COL19A1: variants seen among roughly 807,000 people sequenced by gnomAD.
COL19A1 encodes collagen type XIX alpha 1 chain.
A neutral mutation model predicts 190.2 loss-of-function variants in COL19A1; 159 were observed. That is an observed-to-expected ratio of 0.84 (90% CI 0.73 to 0.95). The LOEUF (loss-of-function observed/expected upper bound fraction) is 0.95. Ranked by LOEUF, COL19A1 falls within the 40% of genes least tolerant of loss-of-function variation. The pLI is 0.00. For missense variants in COL19A1, 1,418 were observed against 1,431.9 expected, an observed-to-expected ratio of 0.99 and a Z score of 0.16; for synonymous variants, 509 against 458.9, an observed-to-expected ratio of 1.11 and a Z score of -1.39.
intron 11 of COL19A1, among the ~76,000 whole-genome samples, chr6:69,992,828 T>A (rs1308565627): frequency 6.6e-6 from 1 of 152,124 alleles, no homozygotes. Flanking sequence ...TTACTGAAGT[T>A]GTTTCTGAGA....
chr6:69,949,456 T>C (rs967687409), intron 9 of COL19A1, among the ~76,000 whole-genome samples: 6 of 152,010 alleles, frequency 3.9e-5, no homozygotes, highest in South Asian at 2.1e-4. Context: ...TTCTAAAGAA[T>C]GTATACAAAA....
intron 31 of COL19A1, among the ~76,000 whole-genome samples, chr6:70,154,120 C>G (rs888739729): frequency 2.0e-5 from 3 of 149,398 alleles, no homozygotes; most frequent in African/African-American, 7.5e-5. Flanking sequence ...CCCCCCAACC[C>G]CCCACAGGCC....
chr6:70,197,684 G>T (rs945463442), intron 48 of COL19A1, among the ~76,000 whole-genome samples: 1 of 152,174 alleles, frequency 6.6e-6, no homozygotes, highest in African/African-American at 2.4e-5. Flanking sequence ...CAGGTAGATA[G>T]TGAGGTAGTG....
rs368028028 is a variant in COL19A1 at position 69,881,452 on chromosome 6, A to C, written c.91+1794A>C. Among the ~76,000 whole-genome samples the C allele has an allele frequency of 2.8e-4, 43 of 152,368 alleles. 1 individual carries two copies. In the East Asian group the frequency reaches 6.6e-3, roughly 23 times the overall value. ...TATAACACAGTACTGTTAATTATAA[A>C]CACGGTACTATACAGCAGATGTCTA... On this transcript the variant is annotated intron_variant, in intron 2 of 50. Coordinates refer to ENST00000620364, the MANE Select transcript of COL19A1 (RefSeq NM_001858.6).
intron 15 of COL19A1, among the ~76,000 whole-genome samples, chr6:70,096,611 C>A (rs1314627620): frequency 6.6e-6 from 1 of 152,132 alleles, no homozygotes; most frequent in East Asian, 1.9e-4. Flanking sequence ...ATTTTCCAGT[C>A]CAGGTGCTCT....
At chr6:70,183,412 A>G (rs1766307886) in intron 44 of COL19A1, among the ~76,000 whole-genome samples, 1 of 152,200 alleles carries the variant, frequency 6.6e-6, no homozygotes, top group African/African-American at 2.4e-5. Flanking sequence ...AAAAGAGAAC[A>G]CTGATGATAG....
At chr6:69,985,117 G>A (rs1488043004) in intron 11 of COL19A1, among the ~76,000 whole-genome samples, 17 of 152,040 alleles carry the variant, frequency 1.1e-4, no homozygotes. Flanking sequence ...TTGTTTCCTT[G>A]GGTAAGATAA....
intron 39 of COL19A1, 70 bp downstream of exon 39, chr6:70,168,285 C>T: frequency 2.0e-6 from 3 of 1,512,488 alleles, no homozygotes; most frequent in Non-Finnish European, 2.7e-6. Flanking sequence ...ACAATAAAAA[C>T]CTCTTAAGTT....
intron 41 of COL19A1, among the ~76,000 whole-genome samples, chr6:70,172,868 A>T (rs1006677595): frequency 3.3e-5 from 5 of 152,166 alleles, no homozygotes; most frequent in Admixed American, 3.3e-4. Flanking sequence ...CAAGGGTGGA[A>T]GTAGGGAAGC....
chr6:70,146,662 T>G lies in COL19A1; in HGVS notation c.1774T>G (p.Leu592Val). The G allele has an allele frequency of 6.2e-7, 1 of 1,606,356 alleles. No individual in the cohort carries two copies. Among genetic ancestry groups the G allele is most frequent in the Non-Finnish European group, 8.5e-7 (1 of 1,176,458 alleles). ...PGKSLPGEPG[L>V]DGNPGAPGPR... ...ATTCATACTTTTTTTCTTTTAGGGA[T>G]TAGATGGAAATCCTGGAGCACCTGG... is the stretch of plus-strand genomic sequence containing the variant. The change falls in exon 26 of 51, where the codon TTA becomes GTA. Residue 592 changes from leucine (L) to valine (V), a missense_variant. Coordinates refer to ENST00000620364, the MANE Select transcript of COL19A1 (RefSeq NM_001858.6).
intron 14 of COL19A1, among the ~76,000 whole-genome samples, chr6:70,051,241 A>C (rs1457383529): frequency 2.0e-5 from 3 of 152,176 alleles, no homozygotes; most frequent in Non-Finnish European, 4.4e-5. Flanking sequence ...TAAGTCAGAC[A>C]CATGCCCAAT....
chr6:70,049,282 G>A (rs1025819210), intron 14 of COL19A1, among the ~76,000 whole-genome samples: 1 of 151,952 alleles, frequency 6.6e-6, no homozygotes, highest in Non-Finnish European at 1.5e-5. Flanking sequence ...AAAGAAGGCA[G>A]TTGAAATATT....
At chr6:70,010,656 T>A (rs1222794432) in intron 11 of COL19A1, among the ~76,000 whole-genome samples, 1 of 138,404 alleles carries the variant, frequency 7.2e-6, no homozygotes, top group Non-Finnish European at 1.5e-5. Context: ...TCAGACCGGC[T>A]TAAGAAACGG....
chr6:69,990,822 T>C (rs1776577428), intron 11 of COL19A1, among the ~76,000 whole-genome samples: 1 of 152,092 alleles, frequency 6.6e-6, no homozygotes, highest in African/African-American at 2.4e-5. Flanking sequence ...TCTAGGCCAA[T>C]TAATTCATTC....
intron 42 of COL19A1, among the ~76,000 whole-genome samples, chr6:70,177,315 C>T (rs1380250014): frequency 1.3e-5 from 2 of 152,024 alleles, no homozygotes; most frequent in Admixed American, 6.5e-5. Flanking sequence ...GCTTGTATCA[C>T]AAGAATATAA....
At chr6:70,016,689 T>C (rs1433431308) in intron 11 of COL19A1, among the ~76,000 whole-genome samples, 2 of 151,926 alleles carry the variant, frequency 1.3e-5, no homozygotes, top group Non-Finnish European at 2.9e-5. Context: ...AACTCACAAA[T>C]AAGAAGGCAA....
intron 2 of COL19A1, among the ~76,000 whole-genome samples, chr6:69,885,287 G>A (rs1221218557): frequency 6.6e-6 from 1 of 152,118 alleles, no homozygotes; most frequent in Non-Finnish European, 1.5e-5. Flanking sequence ...AAAAACATTT[G>A]CCTTTGCTTT....
chr6:70,177,130 G>A (rs1197352727), intron 42 of COL19A1, among the ~76,000 whole-genome samples: 1 of 152,072 alleles, frequency 6.6e-6, no homozygotes, highest in Non-Finnish European at 1.5e-5. Flanking sequence ...AGTGTTCCAG[G>A]AAAGGTTGAA....
intron 7 of COL19A1, among the ~76,000 whole-genome samples, chr6:69,935,709 T>C (rs1006568429): frequency 6.6e-6 from 1 of 152,016 alleles, no homozygotes; most frequent in Non-Finnish European, 1.5e-5. Context: ...TACCAAGTTT[T>C]TTTTTTTATT....
Sources: allele counts gnomAD v4.1 joint callset (sites outside exome capture counted in the v4.1 genomes callset), GRCh38; gene constraint gnomAD v4.1.1; transcripts MANE v1.5; gene names NCBI Gene and HGNC (gene_info 2026-07-23, HGNC 2026-07-21).